FANCB: variants seen among roughly 807,000 people sequenced by gnomAD.
FANCB encodes the protein Fanconi anemia group B protein.
A neutral mutation model predicts 38.9 loss-of-function variants in FANCB; 5 were observed. That is an observed-to-expected ratio of 0.13 (90% confidence interval 0.07 to 0.27). FANCB has a LOEUF of 0.27. Ranked by LOEUF, FANCB falls within the 10% of genes least tolerant of loss-of-function variation. FANCB has a pLI of 1.00. For synonymous variants in FANCB, 236 were observed against 215.4 expected (o/e 1.10, Z -0.84); for missense variants, 573 against 602.7 (o/e 0.95, Z 0.52).
At chrX:14,759,687 A>T in the FANCB span, among the ~76,000 whole-genome samples, 7 of 111,266 alleles carry the variant, frequency 6.3e-5, no homozygotes, top group South Asian at 1.5e-3. Flanking sequence ...CCAAGCCAGC[A>T]CTATAAGAAC....
chrX:14,787,095 G>A, the FANCB span, among the ~76,000 whole-genome samples: 1 of 110,313 alleles, frequency 9.1e-6, no homozygotes, highest in Non-Finnish European at 1.9e-5. Context: ...TTGCTGAGGG[G>A]GAGCCAGAGA....
chrX:14,759,345 C>T, the FANCB span, among the ~76,000 whole-genome samples: 21 of 111,339 alleles, frequency 1.9e-4, no homozygotes, highest in African/African-American at 6.5e-4. Context: ...GAGATCTAGA[C>T]ATTCAAATAC....
At chrX:14,871,829 T>TC (rs1423233218) in intron 1 of FANCB, among the ~76,000 whole-genome samples, 8 of 109,904 alleles carry the variant, frequency 7.3e-5, no homozygotes, top group African/African-American at 2.3e-4. Context: ...TACTATTTTT[T>TC]TTTTTTTTCC....
At chrX:14,783,606 A>G in the FANCB span, among the ~76,000 whole-genome samples, 5 of 112,444 alleles carry the variant, frequency 4.4e-5, no homozygotes, top group Non-Finnish European at 7.5e-5. Context: ...GAAGGCTTAT[A>G]CAATGGAGGC....
chrX:14,781,897 C>G, the FANCB span, among the ~76,000 whole-genome samples: 1 of 112,136 alleles, frequency 8.9e-6, no homozygotes, highest in Admixed American at 9.4e-5. Flanking sequence ...AAGCCAATAT[C>G]CTAGGGGCCT....
the FANCB span, among the ~76,000 whole-genome samples, chrX:14,772,178 G>A: frequency 3.2e-3 from 358 of 111,020 alleles, 1 homozygote; most frequent in African/African-American, 0.011. Flanking sequence ...CAGACCACCT[G>A]TATTCTCCAA....
the FANCB span, among the ~76,000 whole-genome samples, chrX:14,711,641 G>A: frequency 8.9e-6 from 1 of 112,419 alleles, no homozygotes; most frequent in Non-Finnish European, 1.9e-5. Context: ...TACCAGGCAT[G>A]TAAACTTTTA....
chrX:14,844,378 G>A (rs1601977216), intron 9 of FANCB, 125 bp downstream of exon 9: 3 of 550,727 alleles, frequency 5.4e-6, no homozygotes. Flanking sequence ...TTCATGCTAG[G>A]CCATGGCTCT....
At chrX:14,829,518 A>C in the FANCB span, among the ~76,000 whole-genome samples, 1 of 111,424 alleles carries the variant, frequency 9.0e-6, no homozygotes, top group East Asian at 2.8e-4. Context: ...TTTTATTAAA[A>C]ATCTGATGTT....
the FANCB span, among the ~76,000 whole-genome samples, chrX:14,807,249 T>A: frequency 1.8e-5 from 2 of 112,556 alleles, no homozygotes; most frequent in Non-Finnish European, 3.8e-5. Flanking sequence ...AAAAATTCTT[T>A]CACACACAGC....
the FANCB span, chrX:14,731,910 T>C: frequency 9.0e-6 from 1 of 111,516 alleles, no homozygotes; most frequent in South Asian, 3.8e-4. Flanking sequence ...ATACTTTAAG[T>C]TCTGGGATAC....
At chrX:14,723,329 C>T in the FANCB span, among the ~76,000 whole-genome samples, 3 of 111,954 alleles carry the variant, frequency 2.7e-5, no homozygotes, top group African/African-American at 9.8e-5. Flanking sequence ...CTGTTGATTG[C>T]CCCTCTATGT....
the FANCB span, among the ~76,000 whole-genome samples, chrX:14,812,161 A>C: frequency 9.1e-6 from 1 of 110,067 alleles, no homozygotes; most frequent in East Asian, 2.8e-4. Context: ...ACACATTCAA[A>C]GCAGTGTGTA....
chrX:14,755,949 C>T, the FANCB span, among the ~76,000 whole-genome samples: 1 of 111,890 alleles, frequency 8.9e-6, no homozygotes, highest in Non-Finnish European at 1.9e-5. Context: ...GGCATAAAAA[C>T]AGACATATAG....
chrX:14,816,223 A>T, the FANCB span, among the ~76,000 whole-genome samples: 21 of 112,612 alleles, frequency 1.9e-4, no homozygotes, highest in South Asian at 6.5e-3. Context: ...AAATAATTTT[A>T]AAAAGAGGAT....
chrX:14,755,526 C>A, the FANCB span, among the ~76,000 whole-genome samples: 1 of 111,210 alleles, frequency 9.0e-6, no homozygotes, highest in Middle Eastern at 4.7e-3. Context: ...GGAAAAGAAA[C>A]CAAGAAAGCA....
chrX:14,859,074 T>G (rs958281398), intron 4 of FANCB, 108 bp downstream of exon 4: 1 of 486,334 alleles, frequency 2.1e-6, no homozygotes, highest in Non-Finnish European at 3.5e-6. Flanking sequence ...AAGTTCAAAA[T>G]TTTAAGTATA....
At chrX:14,833,905 G>A (rs1413296214), downstream of FANCB, among the ~76,000 whole-genome samples, 1 of 111,896 alleles carries the variant, frequency 8.9e-6, no homozygotes, top group African/African-American at 3.3e-5. Flanking sequence ...TGAGGTGGGA[G>A]GATCACTTGT....
the FANCB span, among the ~76,000 whole-genome samples, chrX:14,805,223 G>C: frequency 5.4e-5 from 6 of 111,409 alleles, no homozygotes; most frequent in Non-Finnish European, 1.1e-4. Context: ...TCACTCGCAG[G>C]CTACATGATC....
Sources: allele counts gnomAD v4.1 joint callset (sites outside exome capture counted in the v4.1 genomes callset), GRCh38; gene constraint gnomAD v4.1.1; transcripts MANE v1.5; gene names NCBI Gene and HGNC (gene_info 2026-07-23, HGNC 2026-07-21).